The following PRKCH variants were observed in gnomAD, a reference collection of about 807,000 sequenced individuals.
The protein encoded by PRKCH is protein kinase C eta type.
Under a neutral mutation model 82.5 loss-of-function variants are expected in PRKCH, and 28 were observed. That is an observed-to-expected ratio of 0.34 (90% CI 0.25 to 0.47). The LOEUF is 0.47. Among genes scored for constraint, PRKCH ranks in the 20% least tolerant of loss-of-function variants. The pLI, the probability that PRKCH is intolerant of heterozygous loss-of-function variation, is 1.00. For missense variants in PRKCH, 705 were observed against 881.8 expected (o/e 0.80, Z 2.54); for synonymous variants, 322 against 327.4 (o/e 0.98, Z 0.18).
intron 2 of PRKCH, among the ~76,000 whole-genome samples, chr14:61,411,653 C>A (rs1882275540): frequency 6.6e-6 from 1 of 152,140 alleles, no homozygotes; most frequent in Non-Finnish European, 1.5e-5. Context: ...GAAAAGGGAA[C>A]CATGTGGAGC....
chr14:61,210,111 A>AACAAATATATAT (rs1475194510), intron 1 of PRKCH, among the ~76,000 whole-genome samples: 1 of 87,366 alleles, frequency 1.1e-5, no homozygotes, highest in East Asian at 3.3e-4. Flanking sequence ...CAAACAAACA[A>AACAAATATATAT]ATATATATAT....
chr14:61,218,570 C>G (rs1041858283), intron 1 of PRKCH, among the ~76,000 whole-genome samples: 14 of 152,060 alleles, frequency 9.2e-5, no homozygotes, highest in African/African-American at 3.4e-4. Flanking sequence ...CCCACCGCCC[C>G]CCAATTTCAA....
At chr14:61,215,274 G>A (rs1466355338) in intron 1 of PRKCH, among the ~76,000 whole-genome samples, 1 of 152,090 alleles carries the variant, frequency 6.6e-6, no homozygotes, top group Non-Finnish European at 1.5e-5. Flanking sequence ...CATGTAGGTG[G>A]GTCTGGGTCA....
intron 1 of PRKCH, among the ~76,000 whole-genome samples, chr14:61,334,457 C>T (rs1480186862): frequency 1.3e-5 from 2 of 152,128 alleles, no homozygotes; most frequent in Non-Finnish European, 2.9e-5. Flanking sequence ...AGGTAAAGCA[C>T]TGTGCAGCAG....
chr14:61,453,481 T>G, intron 7 of PRKCH, 128 bp downstream of exon 7: 2 of 781,494 alleles, frequency 2.6e-6, no homozygotes, highest in Non-Finnish European at 3.5e-6. Context: ...ACTTATTGCC[T>G]TTCTTTCTTT....
chr14:61,218,278 T>G (rs937214755), intron 1 of PRKCH, among the ~76,000 whole-genome samples: 1 of 152,194 alleles, frequency 6.6e-6, no homozygotes, highest in Non-Finnish European at 1.5e-5. Context: ...TCCCTCTCTC[T>G]GTCTCTGTCT....
At chr14:61,260,066 T>C (rs1467096402) in intron 1 of PRKCH, among the ~76,000 whole-genome samples, 1 of 152,242 alleles carries the variant, frequency 6.6e-6, no homozygotes, top group African/African-American at 2.4e-5. Context: ...CTCATTAATA[T>C]GAAACTTCCG....
At chr14:61,241,783 C>T (rs146554437) in intron 1 of PRKCH, among the ~76,000 whole-genome samples, 140 of 152,262 alleles carry the variant, frequency 9.2e-4, no homozygotes, top group African/African-American at 2.6e-3. Flanking sequence ...CTCTTTGAAC[C>T]GCATCTCCTC....
At chr14:61,295,517 A>C (rs187610764) in intron 1 of PRKCH, among the ~76,000 whole-genome samples, 22 of 152,310 alleles carry the variant, frequency 1.4e-4, no homozygotes, top group Admixed American at 1.4e-3. Context: ...AATTTAATAA[A>C]AAAATTTTGT....
chr14:61,472,814 C>G (rs541553995), intron 9 of PRKCH, among the ~76,000 whole-genome samples: 1 of 152,310 alleles, frequency 6.6e-6, no homozygotes, highest in South Asian at 2.1e-4. Context: ...AGAGACATTA[C>G]CTGTTTCTGT....
intron 1 of PRKCH, among the ~76,000 whole-genome samples, chr14:61,381,167 C>A (rs1334649337): frequency 6.6e-6 from 1 of 152,180 alleles, no homozygotes; most frequent in Non-Finnish European, 1.5e-5. Context: ...GATGCCGAAG[C>A]CAGGTGACTT....
At chr14:61,451,006 A>G (rs770876379) in intron 6 of PRKCH, 35 bp downstream of exon 6, 2 of 1,608,898 alleles carry the variant, frequency 1.2e-6, no homozygotes, top group South Asian at 1.1e-5. Flanking sequence ...CCACCTCTTC[A>G]TGGGAACACT....
At chr14:61,361,339 G>C (rs1045895156) in intron 1 of PRKCH, among the ~76,000 whole-genome samples, 9 of 152,214 alleles carry the variant, frequency 5.9e-5, no homozygotes, top group Admixed American at 1.3e-4. Flanking sequence ...AGGTTTGTGA[G>C]AGACTTAAGA....
intron 10 of PRKCH, among the ~76,000 whole-genome samples, chr14:61,510,916 A>G (rs993167959): frequency 1.3e-5 from 2 of 152,116 alleles, no homozygotes; most frequent in Admixed American, 1.3e-4. Context: ...GTGTGGCAGG[A>G]ATGCTGGAAG....
chr14:61,387,846 A>G (rs576620969), intron 1 of PRKCH, among the ~76,000 whole-genome samples: 1 of 152,276 alleles, frequency 6.6e-6, no homozygotes, highest in South Asian at 2.1e-4. Flanking sequence ...TTTTTATTCT[A>G]CTTTGAAATC....
chr14:61,323,626 C>A (rs971999933), intron 1 of PRKCH, among the ~76,000 whole-genome samples: 1 of 152,104 alleles, frequency 6.6e-6, no homozygotes, highest in Non-Finnish European at 1.5e-5. Context: ...CGTATATTTT[C>A]TAAAATTAAA....
intron 1 of PRKCH, among the ~76,000 whole-genome samples, chr14:61,378,872 A>G (rs2046460462): frequency 6.6e-6 from 1 of 152,158 alleles, no homozygotes; most frequent in South Asian, 2.1e-4. Context: ...GCCTTAGCTC[A>G]GGTCACCACT....
At chr14:61,376,325 TC>T (rs2140179744) in intron 1 of PRKCH, among the ~76,000 whole-genome samples, 1 of 152,290 alleles carries the variant, frequency 6.6e-6, no homozygotes, top group South Asian at 2.1e-4. Context: ...GTACAATTGT[TC>T]CTTGAGGGTC....
At chr14:61,193,468 A>G (rs1449088382) in intron 1 of PRKCH, among the ~76,000 whole-genome samples, 1 of 152,194 alleles carries the variant, frequency 6.6e-6, no homozygotes, top group Non-Finnish European at 1.5e-5. Context: ...TGTTAATTAT[A>G]AACAACATCA....
Sources: allele counts gnomAD v4.1 joint callset (sites outside exome capture counted in the v4.1 genomes callset), GRCh38; gene constraint gnomAD v4.1.1; transcripts MANE v1.5; gene names NCBI Gene and HGNC (gene_info 2026-07-23, HGNC 2026-07-21).